The following ALK variants were observed in gnomAD, a reference collection of about 807,000 sequenced individuals.
ALK encodes the protein ALK tyrosine kinase receptor.
Under a neutral mutation model 163.1 loss-of-function variants are expected in ALK, and 74 were observed. That is an observed-to-expected ratio of 0.45 (90% CI 0.38 to 0.55). ALK has a LOEUF of 0.55. Ranked by LOEUF, ALK falls within the 20% of genes least tolerant of loss-of-function variation. The probability of loss-of-function intolerance (pLI) is 0.00; values close to 1 mark genes in which losing one functional copy is unlikely to be tolerated. For missense variants in ALK, 2,063 were observed against 2,105.3 expected (o/e 0.98, Z 0.39); for synonymous variants, 960 against 843.2 (o/e 1.14, Z -2.40).
At chr2:29,448,322 G>A (rs1670738458) in intron 4 of ALK, among the ~76,000 whole-genome samples, 1 of 152,156 alleles carries the variant, frequency 6.6e-6, no homozygotes, top group Admixed American at 6.5e-5. Flanking sequence ...AGGGAGGCTG[G>A]CTTCGTTTGG....
intron 3 of ALK, among the ~76,000 whole-genome samples, chr2:29,659,465 T>G (rs995456555): frequency 2.6e-5 from 4 of 151,952 alleles, no homozygotes; most frequent in Non-Finnish European, 4.4e-5. Context: ...ACTGTCCAGG[T>G]TCTCAACTGG....
At chr2:29,629,444 A>C (rs1676294276) in intron 3 of ALK, among the ~76,000 whole-genome samples, 1 of 152,182 alleles carries the variant, frequency 6.6e-6, no homozygotes, top group African/African-American at 2.4e-5. Context: ...ACTTGTTTGA[A>C]TCTTTCTTGA....
In ALK at chr2:29,383,812, C is replaced by T. The variant is rs188859061; in HGVS notation, c.1202G>A (p.Arg401Gln). 16 of 1,614,124 alleles carry T rather than the reference C, an allele frequency of 9.9e-6. No homozygotes were observed. The highest frequency in any genetic ancestry group is 9.3e-5 in the African/African-American group (7 of 75,042). Residue 401 changes from arginine to glutamine, a missense_variant, in exon 5 of 29, where the codon CGA becomes CAA. This residue lies in a region of ALK where 987 missense variants were observed against 939.5 expected (regional missense o/e 1.05). Coordinates refer to ENST00000389048, the MANE Select transcript of ALK (RefSeq NM_004304.5). ...GRIGRPDNPFRVALEYISSGN... is the reference protein window; with the variant it reads ...GRIGRPDNPFQVALEYISSGN... ...ACTGGAGATGTATTCCAGGGCCACT[C>T]GAAATGGGTTGTCTGGACGCCCGAT...
intron 4 of ALK, among the ~76,000 whole-genome samples, chr2:29,498,056 C>CT (rs1672076538): frequency 6.6e-6 from 1 of 152,184 alleles, no homozygotes; most frequent in African/African-American, 2.4e-5. Context: ...CTCCCCCACT[C>CT]TCATTTGGCC....
chr2:29,591,389 G>A (rs1265212838), intron 3 of ALK, among the ~76,000 whole-genome samples: 3 of 152,136 alleles, frequency 2.0e-5, no homozygotes, highest in South Asian at 2.1e-4. Context: ...GGAAGCATCC[G>A]GGCAGCCACA....
rs35070273 is a variant in ALK, at chr2:29,591,070, CAAAAAAA to C, written c.953-58961_953-58955del. On this transcript the variant is annotated intron_variant, in intron 3 of 28. Transcript: ENST00000389048. ...TGGGAGACACAGCGAGACTCCGTCT[CAAAAAAA>C]AAAAAAAAAAAAAAAAAAAAAAATC... Among the ~76,000 whole-genome samples the C allele has an allele frequency of 6.4e-5, 3 of 46,908 alleles. No homozygotes were observed. In the South Asian group the frequency reaches 4.2e-3, roughly 66 times the overall value. 30.8% of individuals were successfully genotyped at this position (46,908 alleles called of 152,430 possible).
intron 3 of ALK, among the ~76,000 whole-genome samples, chr2:29,688,491 A>C (rs1479038396): frequency 2.0e-5 from 3 of 152,226 alleles, no homozygotes; most frequent in Non-Finnish European, 2.9e-5. Flanking sequence ...GTACATGCTC[A>C]AAAATATTTT....
At chr2:29,470,162 G>C (rs1336379325) in intron 4 of ALK, among the ~76,000 whole-genome samples, 1 of 152,014 alleles carries the variant, frequency 6.6e-6, no homozygotes, top group Non-Finnish European at 1.5e-5. Flanking sequence ...TACTGGAAGA[G>C]AGACTCACAG....
intron 3 of ALK, among the ~76,000 whole-genome samples, chr2:29,666,797 T>TAA (rs1573539414): frequency 1.3e-5 from 2 of 152,190 alleles, no homozygotes; most frequent in South Asian, 2.1e-4. Flanking sequence ...ACTATATATA[T>TAA]AATATAGTTT....
chr2:29,698,507 C>G (rs1021248131), intron 2 of ALK, among the ~76,000 whole-genome samples: 2 of 152,170 alleles, frequency 1.3e-5, no homozygotes, highest in African/African-American at 4.8e-5. Context: ...TGCGGCCATC[C>G]CCTACCTTGA....
At chr2:29,707,367 T>G (rs1678940767) in intron 2 of ALK, among the ~76,000 whole-genome samples, 1 of 152,086 alleles carries the variant, frequency 6.6e-6, no homozygotes, top group African/African-American at 2.4e-5. Flanking sequence ...CCTTCTACCC[T>G]TCAGGGAAGG....
intron 3 of ALK, among the ~76,000 whole-genome samples, chr2:29,659,349 GCATACCACTGA>G (rs139122178): frequency 0.012 from 1,804 of 152,206 alleles, 42 homozygotes; most frequent in African/African-American, 0.042. Flanking sequence ...GAAGGCAAGT[GCATACCACTGA>G]CATCACTACA....
chr2:29,465,101 G>T (rs552006534), intron 4 of ALK, among the ~76,000 whole-genome samples: 4 of 152,152 alleles, frequency 2.6e-5, no homozygotes, highest in African/African-American at 9.6e-5. Flanking sequence ...CTGAAGAAAC[G>T]TAAAGAAAAT....
chr2:29,814,584 C>T (rs181090638), intron 1 of ALK, among the ~76,000 whole-genome samples: 108 of 151,668 alleles, frequency 7.1e-4, no homozygotes, highest in African/African-American at 2.5e-3. Context: ...GTCGTGAACC[C>T]GGGAGGCAGA....
chr2:29,277,010 G>C (rs1300768542), intron 9 of ALK, among the ~76,000 whole-genome samples: 1 of 152,078 alleles, frequency 6.6e-6, no homozygotes, highest in African/African-American at 2.4e-5. Context: ...AAAGGTGTTA[G>C]AAAAAAAGGA....
At chr2:29,797,027 C>G (rs1664334461) in intron 1 of ALK, among the ~76,000 whole-genome samples, 1 of 150,920 alleles carries the variant, frequency 6.6e-6, no homozygotes, top group South Asian at 2.1e-4. Context: ...CACACACACA[C>G]ATACACACAC....
chr2:29,541,215 G>C (rs1673403256), intron 3 of ALK, among the ~76,000 whole-genome samples: 1 of 152,134 alleles, frequency 6.6e-6, no homozygotes, highest in Non-Finnish European at 1.5e-5. Context: ...ATTCTTTTCT[G>C]CATATCCCAA....
intron 1 of ALK, among the ~76,000 whole-genome samples, chr2:29,872,005 G>A (rs1016375275): frequency 6.6e-6 from 1 of 152,178 alleles, no homozygotes; most frequent in African/African-American, 2.4e-5. Flanking sequence ...CCTAGACTGG[G>A]TATCAGTAAG....
chr2:29,308,828 T>C (rs1040479961), intron 8 of ALK, among the ~76,000 whole-genome samples: 1 of 152,096 alleles, frequency 6.6e-6, no homozygotes, highest in Non-Finnish European at 1.5e-5. Flanking sequence ...GGGGACACTT[T>C]GTTAGAGATA....
Sources: gnomAD v4.1 joint callset for allele counts (sites outside exome capture counted in the v4.1 genomes callset) on GRCh38, gnomAD v4.1.1 for gene constraint, gnomAD v4.1.1 regional missense constraint, MANE v1.5 for transcripts, NCBI Gene and HGNC (gene_info 2026-07-23, HGNC 2026-07-21) for gene names.